MSRA: variants seen among roughly 807,000 people sequenced by gnomAD.
The protein encoded by MSRA is mitochondrial peptide methionine sulfoxide reductase.
Under a neutral mutation model 31.3 loss-of-function variants are expected in MSRA, and 54 were observed. The observed-to-expected ratio is 1.73, with a 90% CI of 1.39 to 2.17. MSRA has a LOEUF of 2.17. MSRA is among the 30% of genes most tolerant of loss of function. The pLI is 0.00. For synonymous variants in MSRA, 169 were observed against 116.5 expected, an observed-to-expected ratio of 1.45 and a Z score of -2.90; for missense variants, 507 against 300.9, an observed-to-expected ratio of 1.69 and a Z score of -5.07.
At position 10,054,449 on chromosome 8, in the gene MSRA, C is replaced by T. The variant is rs1802169179; in HGVS notation, c.-68C>T. 4 of 1,490,902 alleles carry T rather than the reference C, an allele frequency of 2.7e-6. No individual in the cohort carries two copies. The South Asian group carries it at 3.8e-5, about 14-fold the overall frequency. The allele number at this position is 1,490,902 out of a possible 1,614,324, so 92.4% of individuals were successfully genotyped here. A position where few individuals can be genotyped will look rare whatever the true frequency, so the allele number is the denominator to read the frequency against. On this transcript the variant is annotated 5_prime_UTR_variant, in exon 1 of 6. Coordinates refer to ENST00000317173, the MANE Select transcript of MSRA (RefSeq NM_012331.5). ...TCCGGCCGCGGACCCCACTCTCTGC[C>T]GTTCCGGCTGCGGCTCCGCTGCCGG... is the stretch of plus-strand genomic sequence containing the variant.
At chr8:10,112,940 C>A (rs1203691181) in intron 1 of MSRA, among the ~76,000 whole-genome samples, 2 of 152,110 alleles carry the variant, frequency 1.3e-5, no homozygotes, top group Admixed American at 6.5e-5. Context: ...CAGGAGAGGT[C>A]ATTCCTGACC....
At chr8:10,248,675 C>T (rs1439849708) in intron 3 of MSRA, among the ~76,000 whole-genome samples, 1 of 152,182 alleles carries the variant, frequency 6.6e-6, no homozygotes, top group East Asian at 1.9e-4. Context: ...TGACTCTGAA[C>T]CCCAAATCGG....
At chr8:10,174,414 G>C (rs984741089) in intron 1 of MSRA, among the ~76,000 whole-genome samples, 7 of 152,076 alleles carry the variant, frequency 4.6e-5, no homozygotes, top group African/African-American at 1.4e-4. Flanking sequence ...CTATGTGTTT[G>C]GTGTCACGCA....
intron 5 of MSRA, among the ~76,000 whole-genome samples, chr8:10,363,282 A>G (rs535298592): frequency 6.6e-6 from 1 of 152,310 alleles, no homozygotes; most frequent in African/African-American, 2.4e-5. Context: ...GGGAGGGAAT[A>G]TGGCCATGTC....
chr8:10,172,143 C>T (rs1445078665), intron 1 of MSRA, among the ~76,000 whole-genome samples: 1 of 152,164 alleles, frequency 6.6e-6, no homozygotes, highest in Non-Finnish European at 1.5e-5. Flanking sequence ...ATGCATGCTC[C>T]CTCCATGCCA....
At chr8:10,230,154 A>T (rs571182241) in intron 2 of MSRA, among the ~76,000 whole-genome samples, 20 of 152,312 alleles carry the variant, frequency 1.3e-4, no homozygotes, top group African/African-American at 4.1e-4. Context: ...GGTGGGCCCC[A>T]TGTTCAGAGT....
At chr8:10,110,341 C>T (rs967812254) in intron 1 of MSRA, among the ~76,000 whole-genome samples, 1 of 152,138 alleles carries the variant, frequency 6.6e-6, no homozygotes, top group Admixed American at 6.5e-5. Context: ...TGTGGATTAT[C>T]CAGATTTGTG....
At chr8:10,084,541 G>GTT (rs1417322272) in intron 1 of MSRA, among the ~76,000 whole-genome samples, 1 of 152,212 alleles carries the variant, frequency 6.6e-6, no homozygotes, top group Non-Finnish European at 1.5e-5. Flanking sequence ...GACTACCTGG[G>GTT]TTTAGTCCCA....
intron 1 of MSRA, among the ~76,000 whole-genome samples, chr8:10,087,870 T>C (rs964436553): frequency 5.3e-5 from 8 of 152,244 alleles, no homozygotes; most frequent in Admixed American, 5.2e-4. Flanking sequence ...GTAGACTTTT[T>C]GGCAAAATCT....
intron 5 of MSRA, among the ~76,000 whole-genome samples, chr8:10,373,136 C>G (rs959922610): frequency 1.4e-4 from 22 of 152,220 alleles, no homozygotes; most frequent in Non-Finnish European, 1.2e-4. Flanking sequence ...GGTGATCTAC[C>G]CTCTTCGGCC....
chr8:10,229,120 C>G (rs975120437), intron 2 of MSRA, among the ~76,000 whole-genome samples: 1 of 152,184 alleles, frequency 6.6e-6, no homozygotes, highest in African/African-American at 2.4e-5. Context: ...TTTTACATGA[C>G]AGATTAAGGC....
intron 1 of MSRA, among the ~76,000 whole-genome samples, chr8:10,121,673 C>G (rs1290002366): frequency 1.3e-5 from 2 of 151,818 alleles, no homozygotes; most frequent in African/African-American, 4.8e-5. Context: ...CCCTCTCCCT[C>G]TCTCTTTTTT....
At chr8:10,165,994 G>C (rs1446407915) in intron 1 of MSRA, among the ~76,000 whole-genome samples, 2 of 152,184 alleles carry the variant, frequency 1.3e-5, no homozygotes, top group East Asian at 3.8e-4. Flanking sequence ...TCCAGAGTCT[G>C]GGCGTAAAAC....
At chr8:10,108,248 C>G (rs1207383597) in intron 1 of MSRA, among the ~76,000 whole-genome samples, 2 of 152,192 alleles carry the variant, frequency 1.3e-5, no homozygotes, top group South Asian at 2.1e-4. Flanking sequence ...TGGAGATACC[C>G]ATTGGTTCCA....
intron 2 of MSRA, among the ~76,000 whole-genome samples, chr8:10,228,180 T>C (rs1474905831): frequency 1.3e-5 from 2 of 152,146 alleles, no homozygotes; most frequent in African/African-American, 4.8e-5. Context: ...TCTCTGCCTA[T>C]GTTCCACCTT....
At chr8:10,083,524 A>C (rs1798394371) in intron 1 of MSRA, among the ~76,000 whole-genome samples, 1 of 152,232 alleles carries the variant, frequency 6.6e-6, no homozygotes, top group Admixed American at 6.5e-5. Context: ...GGAAATAAGA[A>C]ATCACATTTT....
At chr8:10,118,386 G>C (rs1800840791) in intron 1 of MSRA, among the ~76,000 whole-genome samples, 1 of 152,046 alleles carries the variant, frequency 6.6e-6, no homozygotes, top group African/African-American at 2.4e-5. Context: ...ATGTGCAAAG[G>C]CCCCATGACA....
rs1381524329 is a variant in MSRA at position 10,220,661 on chromosome 8, C to G, written c.211+12760C>G. On this transcript the variant is annotated intron_variant, in intron 2 of 5. Coordinates refer to ENST00000317173, the MANE Select transcript of MSRA (RefSeq NM_012331.5). ...TCCATAATTCTGCCACTTGTCAGGTCACGATGGAGCTGTTTCTAGTGGGAG... is the reference window on the plus strand; with the variant it reads ...TCCATAATTCTGCCACTTGTCAGGTGACGATGGAGCTGTTTCTAGTGGGAG... 2.6e-5 allele frequency among the ~76,000 whole-genome samples: 4 copies of G among 152,302 alleles called. No homozygotes were observed. In the East Asian group the frequency reaches 5.8e-4, roughly 22 times the overall value.
intron 1 of MSRA, among the ~76,000 whole-genome samples, chr8:10,175,487 G>A (rs1277084518): frequency 6.6e-6 from 1 of 152,186 alleles, no homozygotes; most frequent in Non-Finnish European, 1.5e-5. Flanking sequence ...CGAGATTCCA[G>A]ATTAAAGACA....
Sources: allele counts gnomAD v4.1 joint callset (sites outside exome capture counted in the v4.1 genomes callset), GRCh38; gene constraint gnomAD v4.1.1; transcripts MANE v1.5; gene names NCBI Gene and HGNC (gene_info 2026-07-23, HGNC 2026-07-21).